AGMO: variants seen among roughly 807,000 people sequenced by gnomAD.
The protein encoded by AGMO is alkylglycerol monooxygenase, also known as glyceryl-ether monooxygenase.
A neutral mutation model predicts 60.2 loss-of-function variants in AGMO; 75 were observed. The ratio of observed to expected loss-of-function variants is 1.25; its 90% CI spans 1.03 to 1.51. The LOEUF is 1.51. AGMO is among the 40% of genes most tolerant of loss of function. The pLI is 0.00. For missense variants in AGMO, 763 were observed against 525.5 expected (o/e 1.45, Z -4.42); for synonymous variants, 261 against 177.1 (o/e 1.47, Z -3.76).
At chr7:15,327,088 G>A (rs908833621) in intron 12 of AGMO, among the ~76,000 whole-genome samples, 4 of 152,070 alleles carry the variant, frequency 2.6e-5, no homozygotes, top group African/African-American at 7.2e-5. Flanking sequence ...ATTGTGTTAC[G>A]AAGCCTTTGT....
At chr7:15,143,397 T>C in the AGMO span, among the ~76,000 whole-genome samples, 6 of 152,222 alleles carry the variant, frequency 3.9e-5, no homozygotes, top group Admixed American at 2.6e-4. Context: ...CCAATAGATA[T>C]GGCTAGATTT....
intron 12 of AGMO, among the ~76,000 whole-genome samples, chr7:15,304,045 C>T: frequency 6.6e-6 from 1 of 152,088 alleles, no homozygotes; most frequent in South Asian, 2.1e-4. Context: ...TGTGTTAGTT[C>T]AATTTTCAGT....
intron 12 of AGMO, among the ~76,000 whole-genome samples, chr7:15,272,528 A>G (rs767414720): frequency 2.8e-4 from 42 of 151,918 alleles, no homozygotes; most frequent in Non-Finnish European, 4.7e-4. Flanking sequence ...CCAGTCTATC[A>G]TTGATGGACA....
intron 12 of AGMO, among the ~76,000 whole-genome samples, chr7:15,330,192 T>C (rs1232577011): frequency 6.6e-6 from 1 of 152,130 alleles, no homozygotes; most frequent in East Asian, 1.9e-4. Flanking sequence ...TCAAGGTGTT[T>C]AAAAAGTAAT....
chr7:15,354,656 G>C (rs1027074482), intron 12 of AGMO, among the ~76,000 whole-genome samples: 5 of 147,052 alleles, frequency 3.4e-5, no homozygotes, highest in Non-Finnish European at 6.0e-5. Context: ...GGTGGTAAGT[G>C]AAAGAAAACA....
At chr7:15,227,245 ATC>A (rs1782112317) in intron 12 of AGMO, among the ~76,000 whole-genome samples, 1 of 151,904 alleles carries the variant, frequency 6.6e-6, no homozygotes, top group South Asian at 2.1e-4. Flanking sequence ...GTATCAGCCA[ATC>A]ACATCAAGCA....
At chr7:15,479,347 G>A (rs1782687479) in intron 3 of AGMO, among the ~76,000 whole-genome samples, 2 of 152,220 alleles carry the variant, frequency 1.3e-5, no homozygotes, top group East Asian at 3.9e-4. Context: ...ATCATTCTAA[G>A]TCCACAGAAA....
chr7:15,542,523 A>G (rs901195375), intron 3 of AGMO, among the ~76,000 whole-genome samples: 2 of 152,196 alleles, frequency 1.3e-5, no homozygotes, highest in African/African-American at 4.8e-5. Context: ...TTCCAGGAGT[A>G]AACAAATTTG....
At chr7:15,161,469 C>T in the AGMO span, among the ~76,000 whole-genome samples, 21 of 151,304 alleles carry the variant, frequency 1.4e-4, no homozygotes, top group Non-Finnish European at 1.2e-4. Context: ...TACATATACA[C>T]ATATAAGTAT....
intron 2 of AGMO, among the ~76,000 whole-genome samples, chr7:15,554,112 C>A (rs1033826628): frequency 3.9e-5 from 6 of 151,984 alleles, no homozygotes; most frequent in African/African-American, 1.4e-4. Context: ...TCTGGAAAGC[C>A]CTGGATTGCA....
chr7:15,384,817 C>CT (rs71953359), intron 10 of AGMO, among the ~76,000 whole-genome samples: 59,123 of 120,756 alleles, frequency 0.49, 15,331 homozygotes, highest in Middle Eastern at 0.63. Flanking sequence ...CTGTTTTTCT[C>CT]TTTTTTTTTT....
chr7:15,476,317 G>C (rs1303332953), intron 3 of AGMO, among the ~76,000 whole-genome samples: 1 of 152,050 alleles, frequency 6.6e-6, no homozygotes, highest in Non-Finnish European at 1.5e-5. Context: ...CATATGGATT[G>C]TATCATTCTT....
chr7:15,489,155 A>T (rs1783002628), intron 3 of AGMO, among the ~76,000 whole-genome samples: 1 of 152,200 alleles, frequency 6.6e-6, no homozygotes, highest in Non-Finnish European at 1.5e-5. Flanking sequence ...AAACATGTTC[A>T]ACATAAATAA....
intron 3 of AGMO, among the ~76,000 whole-genome samples, chr7:15,526,896 G>C (rs1031458972): frequency 2.0e-5 from 3 of 151,980 alleles, no homozygotes; most frequent in Admixed American, 6.6e-5. Context: ...ATCTGTAATG[G>C]TGACCTATGA....
chr7:15,230,821 G>C (rs971076989), intron 12 of AGMO, among the ~76,000 whole-genome samples: 4 of 151,982 alleles, frequency 2.6e-5, no homozygotes, highest in African/African-American at 9.7e-5. Context: ...CCTTTTGTTT[G>C]GGACTCCCTC....
intron 2 of AGMO, among the ~76,000 whole-genome samples, chr7:15,548,194 G>T (rs1358054221): frequency 6.6e-6 from 1 of 152,156 alleles, no homozygotes; most frequent in Non-Finnish European, 1.5e-5. Context: ...ACCAAAAGTA[G>T]ATAAAACTAC....
chr7:15,264,517 T>C (rs1418338528), intron 12 of AGMO, among the ~76,000 whole-genome samples: 3 of 152,076 alleles, frequency 2.0e-5, no homozygotes, highest in Non-Finnish European at 4.4e-5. Context: ...TCAATTATTA[T>C]TTCTATTCTC....
chr7:15,327,019 C>T (rs1011485903), intron 12 of AGMO, among the ~76,000 whole-genome samples: 3 of 152,122 alleles, frequency 2.0e-5, no homozygotes, highest in Admixed American at 6.6e-5. Context: ...TTGATCAATG[C>T]TGAAAGTTCA....
rs754647024 is a variant in AGMO, at chr7:15,384,673, AT to A, written c.1074+772del. Among the ~76,000 whole-genome samples, 8 of 152,170 alleles carry A rather than the reference AT, an allele frequency of 5.3e-5. No individual in the cohort carries two copies. The South Asian group carries it at 1.5e-3, about 28-fold the overall frequency. On this transcript the variant is annotated intron_variant, in intron 10 of 12. Transcript: ENST00000342526. ...ATTGGTAACAAGGTATAAAAACAGC[AT>A]TTTTTTAAACTCACCTGTGATTCTA... is the stretch of plus-strand genomic sequence containing the variant.
Sources: gnomAD v4.1 joint callset for allele counts (sites outside exome capture counted in the v4.1 genomes callset) on GRCh38, gnomAD v4.1.1 for gene constraint, MANE v1.5 for transcripts, NCBI Gene and HGNC (gene_info 2026-07-23, HGNC 2026-07-21) for gene names.